Variants in TFAP2B observed in about 807,000 individuals in gnomAD.
TFAP2B encodes transcription factor AP-2-beta.
Under a neutral mutation model 44.3 loss-of-function variants are expected in TFAP2B, and 9 were observed. The observed-to-expected ratio is 0.20, with a 90% CI of 0.12 to 0.35. The LOEUF is 0.35. TFAP2B is among the 10% of genes least tolerant of loss of function. The pLI, the probability that TFAP2B is intolerant of heterozygous loss-of-function variation, is 1.00. For synonymous variants in TFAP2B, 270 were observed against 263.8 expected, an observed-to-expected ratio of 1.02 and a Z score of -0.23; for missense variants, 509 against 600.0, an observed-to-expected ratio of 0.85 and a Z score of 1.59.
At chr6:50,822,847 C>T (rs1047724073) in intron 1 of TFAP2B, among the ~76,000 whole-genome samples, 2 of 152,170 alleles carry the variant, frequency 1.3e-5, no homozygotes, top group Admixed American at 6.5e-5. Flanking sequence ...TTGGAATGAT[C>T]AGGTTGTGTG....
intron 4 of TFAP2B, 56 bp downstream of exon 4, chr6:50,836,336 A>C: frequency 6.9e-7 from 1 of 1,454,948 alleles, no homozygotes; most frequent in African/African-American, 1.4e-5. Context: ...AAAACCCACC[A>C]GTTTTTATTT....
intron 5 of TFAP2B, among the ~76,000 whole-genome samples, chr6:50,839,950 G>T (rs1762693545): frequency 6.6e-6 from 1 of 152,128 alleles, no homozygotes; most frequent in Non-Finnish European, 1.5e-5. Context: ...GGAGAGGCAG[G>T]AAAAAGAGAC....
intron 1 of TFAP2B, chr6:50,822,285 C>T (rs1457987681): frequency 1.2e-6 from 1 of 857,000 alleles, no homozygotes; most frequent in African/African-American, 1.8e-5. Context: ...CTTTGAGCGC[C>T]TTTGGCTTGG....
intron 2 of TFAP2B, among the ~76,000 whole-genome samples, chr6:50,828,225 G>T (rs951480214): frequency 6.6e-6 from 1 of 152,138 alleles, no homozygotes; most frequent in Non-Finnish European, 1.5e-5. Flanking sequence ...ATGGCTCTGG[G>T]GTTAAGATGC....
At chr6:50,838,137 C>T in intron 5 of TFAP2B, 44 bp downstream of exon 5, 2 of 1,425,292 alleles carry the variant, frequency 1.4e-6, no homozygotes, top group South Asian at 2.3e-5. Flanking sequence ...CTGAGCTTAA[C>T]TGTCGGCTGG....
intron 1 of TFAP2B, among the ~76,000 whole-genome samples, chr6:50,821,330 C>G (rs545078916): frequency 1.3e-4 from 20 of 152,330 alleles, no homozygotes; most frequent in African/African-American, 4.6e-4. Flanking sequence ...CAAAAGTCTG[C>G]AAAAGTCACT....
chr6:50,823,349 ATC>A, intron 1 of TFAP2B, 56 bp from the exon 2 acceptor site: 4 of 1,413,842 alleles, frequency 2.8e-6, no homozygotes, highest in East Asian at 5.0e-5. Context: ...CTCTGCCTCT[ATC>A]TCTCTTTCTC....
At chr6:50,820,393 C>A (rs1249398258) in intron 1 of TFAP2B, among the ~76,000 whole-genome samples, 1 of 70,060 alleles carries the variant, frequency 1.4e-5, no homozygotes, top group African/African-American at 5.7e-5. Context: ...CACCTCCTGC[C>A]CCCCCCCGAA....
chr6:50,823,092 C>A (rs1234266339), intron 1 of TFAP2B, among the ~76,000 whole-genome samples: 1 of 152,176 alleles, frequency 6.6e-6, no homozygotes, highest in Non-Finnish European at 1.5e-5. Flanking sequence ...TCCTGTACCC[C>A]TGCCTTTTGC....
At chr6:50,822,464 G>A (rs1770380423) in intron 1 of TFAP2B, among the ~76,000 whole-genome samples, 1 of 152,034 alleles carries the variant, frequency 6.6e-6, no homozygotes, top group African/African-American at 2.4e-5. Context: ...AAGAACCATG[G>A]GGAGTTTACC....
In TFAP2B at chr6:50,836,219, C is replaced by A; in HGVS notation, c.760C>A (p.Gln254Lys). Residue 254 changes from glutamine (Q) to lysine (K), a missense_variant, in exon 4 of 7, where the codon CAG becomes AAG. By Grantham distance (53) the Gln-to-Lys change is moderately conservative (BLOSUM62 1). Transcript: ENST00000393655. Reference protein sequence around the residue: ...SKYKVTVGEVQRRLSPPECLN... With the variant: ...SKYKVTVGEVKRRLSPPECLN... ...GTACAAAGTAACTGTGGGAGAAGTT[C>A]AGAGACGGCTGTCGCCCCCTGAATG... The A allele has an allele frequency of 1.2e-6, 2 of 1,613,338 alleles. No homozygotes were observed. The highest frequency in any genetic ancestry group is 1.7e-6 in the Non-Finnish European group (2 of 1,180,034).
At chr6:50,826,483 A>T (rs1238970506) in intron 2 of TFAP2B, among the ~76,000 whole-genome samples, 1 of 151,910 alleles carries the variant, frequency 6.6e-6, no homozygotes, top group African/African-American at 2.4e-5. Flanking sequence ...GTCAATTTCT[A>T]TTTCAATTTA....
chr6:50,840,382 AG>A (rs1762702874), intron 6 of TFAP2B, 85 bp downstream of exon 6: 17 of 1,547,898 alleles, frequency 1.1e-5, no homozygotes, highest in African/African-American at 2.7e-5. Context: ...GGAGGGGCAG[AG>A]AAAGAAGCCA....
At chr6:50,831,932 C>T (rs932190459) in intron 3 of TFAP2B, among the ~76,000 whole-genome samples, 1 of 152,174 alleles carries the variant, frequency 6.6e-6, no homozygotes, top group African/African-American at 2.4e-5. Flanking sequence ...TTCAGTTCAT[C>T]CTCCATTCTC....
rs1274480407 is a variant in TFAP2B, at chr6:50,844,787, G to C, written c.*1395G>C. The C allele has an allele frequency of 2.6e-5, 4 of 152,244 alleles. No individual in the cohort carries two copies. The highest frequency in any genetic ancestry group is 9.6e-5 in the African/African-American group (4 of 41,472). 9.4% of individuals were successfully genotyped at this position (152,244 alleles called of 1,614,324 possible). Reference sequence around the variant, plus strand: ...AGCAAGGAAAGAAGCAGCTTTACGAGTGGACGTGGGGAGGAGGGCGGCACA... The same window carrying C: ...AGCAAGGAAAGAAGCAGCTTTACGACTGGACGTGGGGAGGAGGGCGGCACA... On this transcript the variant is annotated 3_prime_UTR_variant, in exon 7 of 7. Transcript: ENST00000393655.
intron 2 of TFAP2B, among the ~76,000 whole-genome samples, chr6:50,826,405 G>C (rs556230931): frequency 3.7e-4 from 56 of 152,306 alleles, no homozygotes; most frequent in Non-Finnish European, 6.9e-4. Context: ...CACCATGAGA[G>C]AAGAGAAAGA....
At chr6:50,842,022 TA>T (rs1762743457) in intron 6 of TFAP2B, among the ~76,000 whole-genome samples, 1 of 152,234 alleles carries the variant, frequency 6.6e-6, no homozygotes, top group South Asian at 2.1e-4. Context: ...ACCTGTTGGC[TA>T]GGCCAGGTGT....
In TFAP2B at chr6:50,846,884, T is replaced by C. The variant is rs1762861278; in HGVS notation, c.*3492T>C. ...CCACTTAAAGAACCGAAGAGGCTTT[T>C]AAAGACCTGGCTGCTTTGTTTTCCT... On this transcript the variant is annotated 3_prime_UTR_variant, in exon 7 of 7. Coordinates refer to ENST00000393655, the MANE Select transcript of TFAP2B (RefSeq NM_003221.4). 1.3e-5 allele frequency: 2 copies of C among 152,660 alleles called. No homozygotes were observed. The highest frequency in any genetic ancestry group is 1.3e-4 in the Admixed American group (2 of 15,282). 9.5% of individuals were successfully genotyped at this position (152,660 alleles called of 1,614,324 possible).
rs143212621 is a variant in TFAP2B at position 50,837,990 on chromosome 6, T to C, written c.837T>C (p.Asn279=). 55 of 1,613,714 alleles carry C rather than the reference T, an allele frequency of 3.4e-5. No individual in the cohort carries two copies. The highest frequency in any genetic ancestry group is 4.4e-5 in the Non-Finnish European group (52 of 1,179,916). The change falls in exon 5 of 7, where the codon AAT becomes AAC. Residue 279 remains asparagine, a synonymous_variant. Coordinates refer to ENST00000393655, the MANE Select transcript of TFAP2B (RefSeq NM_003221.4). ...GCAATTTCAGAGCCAAATCGAAAAA[T>C]GGGGGGAGATCTTTGCGAGAAAGGC... ...GGVLRRAKSK[N]GGRSLRERLE...
Sources: allele counts gnomAD v4.1 joint callset (sites outside exome capture counted in the v4.1 genomes callset), GRCh38; gene constraint gnomAD v4.1.1; transcripts MANE v1.5; gene names NCBI Gene and HGNC (gene_info 2026-07-23, HGNC 2026-07-21).